The following ZNF862 variants were observed in gnomAD, a reference collection of about 807,000 sequenced individuals.
The protein encoded by ZNF862 is zinc finger protein 862.
Under a neutral mutation model 91.1 loss-of-function variants are expected in ZNF862, and 64 were observed. The observed-to-expected ratio is 0.70, with a 90% confidence interval of 0.57 to 0.87. The LOEUF is 0.87. Ranked by LOEUF, ZNF862 falls within the 40% of genes least tolerant of loss-of-function variation. The pLI, the probability that ZNF862 is intolerant of heterozygous loss-of-function variation, is 0.00. For missense variants in ZNF862, 1,459 were observed against 1,528.0 expected, an observed-to-expected ratio of 0.95 and a Z score of 0.75; for synonymous variants, 631 against 618.1, an observed-to-expected ratio of 1.02 and a Z score of -0.31.
intron 1 of ZNF862, chr7:149,841,031 T>G: frequency 1.0e-6 from 1 of 985,400 alleles, no homozygotes; most frequent in Non-Finnish European, 1.2e-6. Context: ...GATTTTAGGG[T>G]ATCTCAGAAA....
chr7:149,847,611 G>A (rs1471646373), intron 3 of ZNF862, 124 bp from the exon 4 acceptor site: 1 of 626,628 alleles, frequency 1.6e-6, no homozygotes, highest in Non-Finnish European at 2.7e-6. Context: ...GTGTGTGTGT[G>A]TGTGTGTGTG....
In ZNF862 at chr7:149,848,545, C is replaced by T. The variant is rs905493811; in HGVS notation, c.939+113C>T. The T allele has an allele frequency of 3.4e-6, 3 of 878,080 alleles. No individual in the cohort carries two copies. In the African/African-American group the frequency reaches 5.1e-5, roughly 15 times the overall value. The allele number at this position is 878,080 out of a possible 1,614,324, so 54.4% of individuals were successfully genotyped here. A position where few individuals can be genotyped will look rare whatever the true frequency, so the allele number is the denominator to read the frequency against. ...AATACTAGTGATAACCCACTGCTAA[C>T]ATCATAATGTTGGCATATACCAACA... On this transcript the variant is annotated intron_variant, in intron 4 of 7. Transcript: ENST00000223210.
chr7:149,841,153 A>G (rs1324726595), intron 1 of ZNF862: 1 of 985,336 alleles, frequency 1.0e-6, no homozygotes, highest in African/African-American at 1.7e-5. Context: ...ATGTGTTGCA[A>G]ATGAGTGACA....
intron 2 of ZNF862, 142 bp downstream of exon 2, chr7:149,844,878 C>A: frequency 4.9e-6 from 3 of 617,310 alleles, no homozygotes; most frequent in Admixed American, 5.5e-5. Flanking sequence ...TGCTCGATCC[C>A]GTATCTACCT....
chr7:149,855,634 C>T lies in ZNF862; in HGVS notation c.1118-3788C>T, dbSNP rs1802233351. Among the ~76,000 whole-genome samples, 1 of 152,214 alleles carries T rather than the reference C, an allele frequency of 6.6e-6. No individual in the cohort carries two copies. On this transcript the variant is annotated intron_variant, in intron 5 of 7. Transcript: ENST00000223210. The surrounding 1 kb of genome is among the most constrained non-coding windows in gnomAD (Gnocchi z 4.1). ...TACCCCCAACAGGCACTGAGACCCTCTCGCTTGCAGTTGCCTGGACATGGG... is the reference window on the plus strand; with the variant it reads ...TACCCCCAACAGGCACTGAGACCCTTTCGCTTGCAGTTGCCTGGACATGGG...
Position 149,867,381 on chromosome 7 carries a change from G to A in ZNF862, c.*3097G>A, listed in dbSNP as rs1802772479. 6.6e-6 allele frequency: 1 copy of A among 152,226 alleles called. No homozygotes were observed. Among genetic ancestry groups the A allele is most frequent in the Non-Finnish European group, 1.5e-5 (1 of 68,066 alleles). 9.4% of individuals were successfully genotyped at this position (152,226 alleles called of 1,614,324 possible). On this transcript the variant is annotated 3_prime_UTR_variant, in exon 8 of 8. Transcript: ENST00000223210. ...CAGTAACTGTGACTGGCCCAGGGATGTTCTCTCCTCTATTTTCAAAGATGA... is the reference window on the plus strand; with the variant it reads ...CAGTAACTGTGACTGGCCCAGGGATATTCTCTCCTCTATTTTCAAAGATGA...
rs752402833 is a variant in ZNF862 at position 149,848,125 on chromosome 7, C to G, written c.632C>G (p.Pro211Arg). Reference protein sequence around the residue: ...FCVNALAARDPIWAARFRSIR... With the variant: ...FCVNALAARDRIWAARFRSIR... ...GTCAATGCCTTGGCAGCGAGGGACC[C>G]CATCTGGGCAGCCCGGTTCCGGAGC... The change falls in exon 4 of 8, where the codon CCC (proline) becomes CGC (arginine). Residue 211 changes from proline to arginine, a missense_variant. Pro to Arg is a moderately radical substitution (Grantham distance 103). Transcript: ENST00000223210. 1.9e-6 allele frequency: 3 copies of G among 1,614,056 alleles called. No individual in the cohort carries two copies. In the South Asian group the frequency reaches 3.3e-5, roughly 18 times the overall value.
At chr7:149,840,390 T>C (rs1267353720) in intron 1 of ZNF862, among the ~76,000 whole-genome samples, 1 of 152,086 alleles carries the variant, frequency 6.6e-6, no homozygotes. Flanking sequence ...GTTTAAAAAA[T>C]TAAGTTTATA....
Position 149,860,185 on chromosome 7 carries a change from C to G in ZNF862, c.1223-198C>G, listed in dbSNP as rs1802412213. ...GAACCCACAAGGATTAGCAACAACT[C>G]TGGGGGAGCCAGATGAACTTTCACA... On this transcript the variant is annotated intron_variant, in intron 6 of 7. Coordinates refer to ENST00000223210, the MANE Select transcript of ZNF862 (RefSeq NM_001099220.3). 5.0e-6 allele frequency: 3 copies of G among 595,856 alleles called. No homozygotes were observed. In the South Asian group the frequency reaches 6.7e-5, roughly 13 times the overall value. 36.9% of individuals were successfully genotyped at this position (595,856 alleles called of 1,614,324 possible). A position where few individuals can be genotyped will look rare whatever the true frequency, so the allele number is the denominator to read the frequency against.
At chr7:149,840,566 A>G (rs185540804) in intron 1 of ZNF862, among the ~76,000 whole-genome samples, 285 of 150,676 alleles carry the variant, frequency 1.9e-3, no homozygotes, top group Middle Eastern at 3.6e-3. Flanking sequence ...TCACTCACTC[A>G]CTCACCCAGA....
intron 3 of ZNF862, among the ~76,000 whole-genome samples, chr7:149,846,634 C>G (rs1801882500): frequency 1.3e-5 from 2 of 152,164 alleles, no homozygotes; most frequent in Admixed American, 1.3e-4. Flanking sequence ...CTGCTAAGTT[C>G]TAGGGATTTA....
At chr7:149,853,560 A>G (rs1335018908) in intron 5 of ZNF862, among the ~76,000 whole-genome samples, 1 of 152,218 alleles carries the variant, frequency 6.6e-6, no homozygotes, top group Non-Finnish European at 1.5e-5. Flanking sequence ...GCGGCAGTCA[A>G]AGGTGGACAG....
chr7:149,846,963 G>A (rs1440243161), intron 3 of ZNF862, among the ~76,000 whole-genome samples: 1 of 152,228 alleles, frequency 6.6e-6, no homozygotes, highest in Non-Finnish European at 1.5e-5. Context: ...CCCTTACAGT[G>A]TTGTAGACCA....
chr7:149,843,914 G>A (rs1586040883), intron 1 of ZNF862, among the ~76,000 whole-genome samples: 1 of 152,152 alleles, frequency 6.6e-6, no homozygotes, highest in East Asian at 1.9e-4. Flanking sequence ...TGATTTTCTT[G>A]GATCTGCTGA....
chr7:149,849,280 A>G (rs777184559), intron 4 of ZNF862, among the ~76,000 whole-genome samples: 2 of 152,214 alleles, frequency 1.3e-5, no homozygotes, highest in African/African-American at 2.4e-5. Context: ...CCAGGGTCCT[A>G]GAGCTCTTGT....
intron 1 of ZNF862, chr7:149,841,149 T>A: frequency 1.0e-6 from 1 of 985,444 alleles, no homozygotes; most frequent in East Asian, 1.1e-4. Context: ...TAAGATGTGT[T>A]GCAAATGAGT....
chr7:149,851,702 T>C (rs557324404), intron 5 of ZNF862: 1 of 152,394 alleles, frequency 6.6e-6, no homozygotes. Flanking sequence ...TGTGCCTGTT[T>C]CCTCACGTTT....
rs1802632194 is a variant in ZNF862, at chr7:149,864,237, A to T, written c.3463A>T (p.Arg1155Ter). 6.2e-7 allele frequency: 1 copy of T among 1,602,502 alleles called. No individual in the cohort carries two copies. The highest frequency in any genetic ancestry group is 1.3e-5 in the African/African-American group (1 of 74,644). The change falls in exon 8 of 8, where the codon AGA (arginine) becomes TGA (stop). Residue 1155 changes from arginine to a stop codon, truncating the protein, a stop_gained. Coordinates refer to ENST00000223210, the MANE Select transcript of ZNF862 (RefSeq NM_001099220.3). LOFTEE classifies it low-confidence loss of function (END_TRUNC). ...GGACTGCATCATGGAGCCTCCCGAG[A>T]GACTCCTGTATCCCCACACCAGCCA... is the stretch of plus-strand genomic sequence containing the variant. ...LKDCIMEPPERLLYPHTSQEA... is the reference protein window; with the variant it reads ...LKDCIMEPPE
intron 3 of ZNF862, 117 bp from the exon 4 acceptor site, chr7:149,847,592 GGTGTGTGTGTGTGTGTGTGTGTGTGT>G (rs10569456): frequency 5.6e-6 from 3 of 531,656 alleles, no homozygotes; most frequent in Admixed American, 3.3e-5. Context: ...AGAAAATTCA[GGTGTGTGTGTGTGTGTGTGTGTGTGT>G]GTGTGTGTGT....
Sources: gnomAD v4.1 joint callset for allele counts (sites outside exome capture counted in the v4.1 genomes callset) on GRCh38, gnomAD v4.1.1 for gene constraint, Gnocchi (gnomAD v3.1) non-coding constraint, MANE v1.5 for transcripts, NCBI Gene and HGNC (gene_info 2026-07-23, HGNC 2026-07-21) for gene names.